Variants in DNAH17 observed in about 807,000 individuals in gnomAD.
The protein encoded by DNAH17 is dynein axonemal heavy chain 17, also known as axonemal beta dynein heavy chain 17.
Under a neutral mutation model 485.6 loss-of-function variants are expected in DNAH17, and 376 were observed. The observed-to-expected ratio is 0.77, with a 90% CI of 0.71 to 0.84. The LOEUF (loss-of-function observed/expected upper bound fraction) is 0.84. Ranked by LOEUF, DNAH17 falls within the 40% of genes least tolerant of loss-of-function variation. The pLI is 0.00. For synonymous variants in DNAH17, 3,031 were observed against 2,405.9 expected (o/e 1.26, Z -7.60); for missense variants, 6,370 against 5,839.3 (o/e 1.09, Z -2.96).
rs144405737 is a variant in DNAH17 at position 78,458,586 on chromosome 17, C to G, written c.9956G>C (p.Arg3319Thr). 199 of 1,613,882 alleles carry G rather than the reference C, an allele frequency of 1.2e-4. No individual in the cohort carries two copies. Among genetic ancestry groups the G allele is most frequent in the Non-Finnish European group, 1.6e-4 (189 of 1,179,886 alleles). ...KCQQEADATN[R>T]VILLANRLVG... ...ATACCTGTTCGCCAGTAAGATCACC[C>G]TGTTCGTGGCATCGGCCTCTTGCTG... The change falls in exon 62 of 81, where the codon AGG (arginine) becomes ACG (threonine). Residue 3319 changes from arginine (R) to threonine (T), a missense_variant. Coordinates refer to ENST00000389840, the MANE Select transcript of DNAH17 (RefSeq NM_173628.4).
chr17:78,525,408 T>C (rs1015391204), intron 24 of DNAH17, among the ~76,000 whole-genome samples: 4 of 152,266 alleles, frequency 2.6e-5, no homozygotes, highest in African/African-American at 9.6e-5. Context: ...TGACTCCCAA[T>C]GGGCATGGTA....
chr17:78,424,617 T>G (rs2086337322), intron 80 of DNAH17: 2 of 156,106 alleles, frequency 1.3e-5, no homozygotes, highest in African/African-American at 4.8e-5. Flanking sequence ...GGTGTTTTTA[T>G]TTCCTGTCTG....
At chr17:78,427,829 TGTG>T (rs1017930413) in intron 77 of DNAH17, among the ~76,000 whole-genome samples, 1 of 151,760 alleles carries the variant, frequency 6.6e-6, no homozygotes, top group African/African-American at 2.4e-5. Context: ...ATTAGCCAGG[TGTG>T]GTGGCAGGCG....
Position 78,523,775 on chromosome 17 carries a change from C to T in DNAH17, c.3864+1234G>A, listed in dbSNP as rs192608020. 2.4e-4 allele frequency among the ~76,000 whole-genome samples: 37 copies of T among 152,220 alleles called. No individual in the cohort carries two copies. In the East Asian group the frequency reaches 7.0e-3, roughly 29 times the overall value. ...TGTAAAAATTAGCTAGACGTAGTGGCGCAAGCCTGTAGTCCCAGTTACTTG... is the reference window on the plus strand; with the variant it reads ...TGTAAAAATTAGCTAGACGTAGTGGTGCAAGCCTGTAGTCCCAGTTACTTG... On this transcript the variant is annotated intron_variant, in intron 25 of 80. Coordinates refer to ENST00000389840, the MANE Select transcript of DNAH17 (RefSeq NM_173628.4).
Position 78,525,178 on chromosome 17 carries a change from G to C in DNAH17, c.3712-17C>G. On this transcript the variant is annotated splice_polypyrimidine_tract_variant and intron_variant, in intron 24 of 80. Transcript: ENST00000389840. ...CTTTTGTTGCTAGGGGCGGCGAGGG[G>C]GCCGTCAGTAGGGCTACCTACCCTC... The C allele has an allele frequency of 6.2e-7, 1 of 1,609,396 alleles. No individual in the cohort carries two copies. Among genetic ancestry groups the C allele is most frequent in the Non-Finnish European group, 8.5e-7 (1 of 1,178,284 alleles).
chr17:78,476,270 C>T (rs372280546), intron 52 of DNAH17, among the ~76,000 whole-genome samples: 1 of 150,398 alleles, frequency 6.6e-6, no homozygotes. Flanking sequence ...CCAGAGTTAT[C>T]GCGTGGAACC....
chr17:78,503,152 C>T, intron 31 of DNAH17, 141 bp from the exon 32 acceptor site: 1 of 664,482 alleles, frequency 1.5e-6, no homozygotes, highest in South Asian at 2.6e-5. Context: ...TTTTACAGAG[C>T]AGTAACAGTG....
At chr17:78,511,196 C>T (rs984064846) in intron 26 of DNAH17, among the ~76,000 whole-genome samples, 2 of 152,228 alleles carry the variant, frequency 1.3e-5, no homozygotes, top group African/African-American at 2.4e-5. Flanking sequence ...GAACCTCCAC[C>T]TCCCGGGTTC....
At chr17:78,534,412 A>C (rs900706968) in intron 19 of DNAH17, among the ~76,000 whole-genome samples, 1 of 152,166 alleles carries the variant, frequency 6.6e-6, no homozygotes, top group Non-Finnish European at 1.5e-5. Context: ...CCTGCATGTA[A>C]GTTGTGGATG....
chr17:78,439,298 T>A, intron 72 of DNAH17, 81 bp from the exon 73 acceptor site: 1 of 1,449,356 alleles, frequency 6.9e-7, no homozygotes, highest in Admixed American at 2.4e-5. Flanking sequence ...AGCCAGGAAT[T>A]CCACATGCCT....
intron 16 of DNAH17, among the ~76,000 whole-genome samples, chr17:78,550,642 A>C (rs1461890968): frequency 6.6e-6 from 1 of 152,150 alleles, no homozygotes; most frequent in Non-Finnish European, 1.5e-5. Context: ...CCCTGCCGAC[A>C]CCTTAACCTT....
chr17:78,569,670 G>A lies in DNAH17; in HGVS notation c.1045-143C>T, dbSNP rs76981152. On this transcript the variant is annotated intron_variant, in intron 7 of 80. Transcript: ENST00000389840. The stretch of plus-strand genomic sequence containing the variant: ...CCTCCTATCTGCCCACTGCTGGGCC[G>A]TTTTTAGGGGACCGAGCTGCTTCCC... 2,770 of 1,056,538 alleles carry A rather than the reference G, an allele frequency of 2.6e-3. 51 individuals carry two copies. The African/African-American group carries it at 0.037, about 14-fold the overall frequency. 65.4% of individuals were successfully genotyped at this position (1,056,538 alleles called of 1,614,324 possible).
At chr17:78,484,826 C>T (rs1286312080) in intron 48 of DNAH17, 42 bp downstream of exon 48, 2 of 1,494,658 alleles carry the variant, frequency 1.3e-6, no homozygotes, top group Non-Finnish European at 1.8e-6. Context: ...GCCCTCACCG[C>T]CCCGGGGCCA....
chr17:78,519,555 T>C lies in DNAH17; in HGVS notation c.3865-4533A>G, dbSNP rs189505504. Among the ~76,000 whole-genome samples the C allele has an allele frequency of 7.7e-4, 118 of 152,284 alleles. 1 individual carries two copies. Among genetic ancestry groups the C allele is most frequent in the African/African-American group, 2.7e-3 (114 of 41,540 alleles). On this transcript the variant is annotated intron_variant, in intron 25 of 80. Coordinates refer to ENST00000389840, the MANE Select transcript of DNAH17 (RefSeq NM_173628.4). The stretch of plus-strand genomic sequence containing the variant: ...AAACCTCTATTATGACCGACAAAGA[T>C]GAAGAGTGAAGACATAAGTCACCAA...
intron 69 of DNAH17, 61 bp from the exon 70 acceptor site, chr17:78,445,741 G>A (rs913923138): frequency 1.9e-6 from 3 of 1,548,072 alleles, no homozygotes; most frequent in Non-Finnish European, 2.6e-6. Context: ...CAGCCCTGAA[G>A]ATGCGCGCTG....
intron 54 of DNAH17, 44 bp from the exon 55 acceptor site, chr17:78,468,927 G>A (rs367593473): frequency 1.6e-5 from 26 of 1,580,742 alleles, no homozygotes; most frequent in African/African-American, 2.7e-5. Flanking sequence ...GTAAAAAGAT[G>A]CTCAATTAGA....
chr17:78,430,022 C>T (rs908803567), intron 75 of DNAH17, among the ~76,000 whole-genome samples: 2 of 152,212 alleles, frequency 1.3e-5, no homozygotes, highest in Non-Finnish European at 2.9e-5. Context: ...GGCGACCACA[C>T]GCTTCCCACC....
intron 55 of DNAH17, among the ~76,000 whole-genome samples, chr17:78,468,309 C>T (rs566178094): frequency 5.3e-5 from 8 of 151,798 alleles, no homozygotes; most frequent in South Asian, 4.1e-4. Flanking sequence ...TGTTTTATAT[C>T]GGGCCCTTGA....
intron 27 of DNAH17, among the ~76,000 whole-genome samples, chr17:78,508,407 C>T (rs935791880): frequency 2.0e-5 from 3 of 152,246 alleles, no homozygotes; most frequent in African/African-American, 7.2e-5. Flanking sequence ...TACTTTTCTA[C>T]AACTTACGCT....
Sources: allele counts gnomAD v4.1 joint callset (sites outside exome capture counted in the v4.1 genomes callset), GRCh38; gene constraint gnomAD v4.1.1; transcripts MANE v1.5; gene names NCBI Gene and HGNC (gene_info 2026-07-23, HGNC 2026-07-21).